The following RXFP2 variants were observed in gnomAD, a reference collection of about 807,000 sequenced individuals.
RXFP2 encodes the protein relaxin family peptide receptor 2.
In RXFP2, 68 loss-of-function variants were observed where a neutral mutation model predicts 88.6. The ratio of observed to expected loss-of-function variants is 0.77; its 90% CI spans 0.63 to 0.94. The LOEUF is 0.94. Ranked by LOEUF, RXFP2 falls within the 40% of genes least tolerant of loss-of-function variation. RXFP2 has a pLI of 0.00. For missense variants in RXFP2, 791 were observed against 893.9 expected (o/e 0.88, Z 1.47); for synonymous variants, 329 against 306.8 (o/e 1.07, Z -0.76).
intron 2 of RXFP2, among the ~76,000 whole-genome samples, chr13:31,759,979 G>A (rs912380081): frequency 2.0e-5 from 3 of 152,138 alleles, no homozygotes; most frequent in Non-Finnish European, 2.9e-5. Flanking sequence ...CTGTATCACC[G>A]GTCTAGGATG....
chr13:31,789,634 CT>C (rs1443563496), intron 14 of RXFP2, among the ~76,000 whole-genome samples: 1 of 152,214 alleles, frequency 6.6e-6, no homozygotes, highest in East Asian at 1.9e-4. Context: ...GGTAATTAAT[CT>C]TTATAGTAGT....
Position 31,800,427 on chromosome 13 carries a change from C to T in RXFP2, c.2006-1719C>T, listed in dbSNP as rs185868510. Among the ~76,000 whole-genome samples the T allele has an allele frequency of 2.6e-5, 4 of 152,222 alleles. No homozygotes were observed. In the East Asian group the frequency reaches 7.7e-4, roughly 29 times the overall value. On this transcript the variant is annotated intron_variant, in intron 17 of 17. Coordinates refer to ENST00000298386, the MANE Select transcript of RXFP2 (RefSeq NM_130806.5). ...CTACTGAAAATATATAAAAAATTAGCCGGGCATGGTGGCAGGTGCCTGTAG... is the reference window on the plus strand; with the variant it reads ...CTACTGAAAATATATAAAAAATTAGTCGGGCATGGTGGCAGGTGCCTGTAG...
chr13:31,755,448 T>G (rs964402835), intron 1 of RXFP2, among the ~76,000 whole-genome samples: 5 of 151,884 alleles, frequency 3.3e-5, no homozygotes, highest in Non-Finnish European at 7.4e-5. Context: ...AGAGTGAGTG[T>G]GGGGGTGTAG....
At chr13:31,747,703 T>C (rs1871484983) in intron 1 of RXFP2, among the ~76,000 whole-genome samples, 1 of 152,252 alleles carries the variant, frequency 6.6e-6, no homozygotes, top group Admixed American at 6.5e-5. Flanking sequence ...ATTCCATTAC[T>C]TTTAATGGCA....
chr13:31,792,153 G>T (rs1344156385), intron 15 of RXFP2, 118 bp downstream of exon 15: 2 of 777,530 alleles, frequency 2.6e-6, no homozygotes, highest in Non-Finnish European at 4.1e-6. Context: ...ATACATCCTG[G>T]GCACATTTTT....
chr13:31,791,370 G>A (rs1023823587), intron 14 of RXFP2, among the ~76,000 whole-genome samples: 4 of 152,192 alleles, frequency 2.6e-5, no homozygotes, highest in African/African-American at 9.7e-5. Flanking sequence ...AGACCTCGGT[G>A]TTTAAAACTC....
At chr13:31,752,697 CTT>C (rs915083032) in intron 1 of RXFP2, among the ~76,000 whole-genome samples, 2 of 152,146 alleles carry the variant, frequency 1.3e-5, no homozygotes, top group African/African-American at 4.8e-5. Flanking sequence ...AAAATTGACT[CTT>C]CGCAGAAGTA....
In RXFP2 at chr13:31,797,405, G is replaced by C; in HGVS notation, c.1991G>C (p.Arg664Pro). Residue 664 changes from arginine to proline, a missense_variant, in exon 17 of 18, where the codon CGG (arginine) becomes CCG (proline). By Grantham distance (103) the Arg-to-Pro change is moderately radical (BLOSUM62 -2). Transcript: ENST00000298386. The stretch of plus-strand genomic sequence containing the variant: ...GTAGTTAAAATCCTTTCCCTCTTCC[G>C]GGTGGAAATACCAGGTCAGTCTCTT... ...VFVVKILSLF[R>P]VEIPDTMTSW... The C allele has an allele frequency of 1.9e-6, 3 of 1,613,212 alleles. No individual in the cohort carries two copies. The highest frequency in any genetic ancestry group is 1.3e-5 in the African/African-American group (1 of 74,984).
chr13:31,741,170 A>G (rs889623629), intron 1 of RXFP2, among the ~76,000 whole-genome samples: 3 of 152,008 alleles, frequency 2.0e-5, no homozygotes, highest in Non-Finnish European at 4.4e-5. Context: ...ATGTAAAGTC[A>G]CCCTTTAAAC....
chr13:31,777,716 T>A (rs764150882), intron 8 of RXFP2, among the ~76,000 whole-genome samples: 1 of 152,188 alleles, frequency 6.6e-6, no homozygotes, highest in Non-Finnish European at 1.5e-5. Flanking sequence ...AAGGCATGTT[T>A]TTATTTGCAG....
At chr13:31,793,120 CAT>C (rs1227896394) in intron 16 of RXFP2, 32 bp downstream of exon 16, 1 of 1,554,652 alleles carries the variant, frequency 6.4e-7, no homozygotes. Context: ...CCTGGAAAAA[CAT>C]AATTTTGCTA....
intron 1 of RXFP2, 123 bp downstream of exon 1, chr13:31,739,829 G>T: frequency 2.8e-6 from 2 of 720,418 alleles, no homozygotes; most frequent in Non-Finnish European, 4.9e-6. Flanking sequence ...CATCAAATTT[G>T]CCTGGTATTT....
chr13:31,761,539 T>G (rs1344670212), intron 2 of RXFP2, among the ~76,000 whole-genome samples, 185 bp from the exon 3 acceptor site: 2 of 152,244 alleles, frequency 1.3e-5, no homozygotes, highest in East Asian at 3.8e-4. Flanking sequence ...GGAGTATTTT[T>G]CATGTAAAAA....
In RXFP2 at chr13:31,777,294, G is replaced by T. The variant is rs1188817733; in HGVS notation, c.642-82G>T. ...GCCAAGTATGGAAGCACACAAAGGA[G>T]TAGGCCAGGTGTTGAGGGGAGGCAG... On this transcript the variant is annotated intron_variant, in intron 7 of 17. Coordinates refer to ENST00000298386, the MANE Select transcript of RXFP2 (RefSeq NM_130806.5). 5 of 896,040 alleles carry T rather than the reference G, an allele frequency of 5.6e-6. No individual in the cohort carries two copies. The East Asian group carries it at 1.3e-4, about 23-fold the overall frequency. The allele number at this position is 896,040 out of a possible 1,614,324, so 55.5% of individuals were successfully genotyped here.
intron 9 of RXFP2, among the ~76,000 whole-genome samples, chr13:31,780,071 T>C (rs2138438002): frequency 6.6e-6 from 1 of 152,202 alleles, no homozygotes; most frequent in South Asian, 2.1e-4. Flanking sequence ...CAGCCTGCTC[T>C]CCCTCCCCAA....
chr13:31,761,011 G>A (rs1872278110), intron 2 of RXFP2, among the ~76,000 whole-genome samples: 1 of 152,016 alleles, frequency 6.6e-6, no homozygotes, highest in South Asian at 2.1e-4. Flanking sequence ...CTGGAGTGTG[G>A]TGCCATGATC....
At chr13:31,786,665 T>A in intron 13 of RXFP2, 28 bp downstream of exon 13, 2 of 1,354,154 alleles carry the variant, frequency 1.5e-6, no homozygotes, top group Non-Finnish European at 2.1e-6. Flanking sequence ...ATTATATTGA[T>A]TATAATTTTA....
chr13:31,769,169 C>G (rs1350392080), intron 5 of RXFP2, among the ~76,000 whole-genome samples: 1 of 152,048 alleles, frequency 6.6e-6, no homozygotes, highest in Non-Finnish European at 1.5e-5. Flanking sequence ...AGTCAATAAA[C>G]AAAGTTTAAA....
At chr13:31,763,241 T>C (rs149348063) in intron 3 of RXFP2, among the ~76,000 whole-genome samples, 1 of 151,982 alleles carries the variant, frequency 6.6e-6, no homozygotes, top group African/African-American at 2.4e-5. Flanking sequence ...TGCACCACCA[T>C]GCCTGGCTAA....
Sources: allele counts gnomAD v4.1 joint callset (sites outside exome capture counted in the v4.1 genomes callset), GRCh38; gene constraint gnomAD v4.1.1; transcripts MANE v1.5; gene names NCBI Gene and HGNC (gene_info 2026-07-23, HGNC 2026-07-21).